Variants in CORIN observed in about 807,000 individuals in gnomAD.
CORIN encodes atrial natriuretic peptide-converting enzyme.
CORIN carries 117 observed loss-of-function variants against 125.3 expected under a neutral mutation model. The ratio of observed to expected loss-of-function variants is 0.93; its 90% CI spans 0.80 to 1.09. The LOEUF is 1.09. Among genes scored for constraint, CORIN ranks in the 50% least tolerant of loss-of-function variants. The pLI, the probability that CORIN is intolerant of heterozygous loss-of-function variation, is 0.00. For missense variants in CORIN, 1,253 were observed against 1,306.7 expected (o/e 0.96, Z 0.63); for synonymous variants, 450 against 466.4 (o/e 0.96, Z 0.45).
chr4:47,675,630 G>A (rs1350060236), intron 9 of CORIN, among the ~76,000 whole-genome samples: 1 of 152,138 alleles, frequency 6.6e-6, no homozygotes, highest in South Asian at 2.1e-4. Context: ...ACATAAAAGG[G>A]CATAATACCC....
At chr4:47,618,152 T>G (rs1162535703) in intron 19 of CORIN, among the ~76,000 whole-genome samples, 1 of 151,498 alleles carries the variant, frequency 6.6e-6, no homozygotes, top group Non-Finnish European at 1.5e-5. Flanking sequence ...CTGACCAACA[T>G]GGTGAAATCC....
At chr4:47,751,821 C>T (rs1490989265) in intron 4 of CORIN, among the ~76,000 whole-genome samples, 1 of 152,152 alleles carries the variant, frequency 6.6e-6, no homozygotes. Context: ...GTGCCTGGCA[C>T]ATTATAGGCA....
Position 47,744,451 on chromosome 4 carries a change from G to A in CORIN, c.750C>T (p.Ser250=). Residue 250 remains serine (S), a synonymous_variant, in exon 5 of 22, where the codon AGC becomes AGT. Transcript: ENST00000273857. ...CSQFRNQTES[S]NVSRICFSPQ... is the part of the protein sequence containing the mutation. ...GTGAGAAGCAAATTCTGCTGACATT[G>A]CTGCTTTCAGTTTGGTTTCTAAACT... The A allele has an allele frequency of 6.2e-7, 1 of 1,614,052 alleles. No homozygotes were observed. The highest frequency in any genetic ancestry group is 8.5e-7 in the Non-Finnish European group (1 of 1,179,992).
intron 1 of CORIN, among the ~76,000 whole-genome samples, chr4:47,817,020 C>A (rs1040607124): frequency 1.3e-5 from 2 of 152,124 alleles, no homozygotes; most frequent in African/African-American, 4.8e-5. Context: ...CAAGGCACAG[C>A]CCTAAGTAAG....
intron 12 of CORIN, among the ~76,000 whole-genome samples, chr4:47,656,045 C>G (rs1310375336): frequency 2.6e-5 from 4 of 151,906 alleles, no homozygotes; most frequent in African/African-American, 9.7e-5. Flanking sequence ...AAAAAGAAAA[C>G]TACACACCAA....
At chr4:47,744,370 T>C in intron 5 of CORIN, 32 bp downstream of exon 5, 1 of 1,593,120 alleles carries the variant, frequency 6.3e-7, no homozygotes, top group Admixed American at 1.7e-5. Context: ...AAATAAAATC[T>C]TCTAAAAATG....
intron 19 of CORIN, 107 bp downstream of exon 19, chr4:47,623,464 G>T: frequency 8.5e-7 from 1 of 1,178,582 alleles, no homozygotes; most frequent in Non-Finnish European, 1.2e-6. Context: ...GATTAGCTGT[G>T]GCTTTCGCCT....
intron 5 of CORIN, among the ~76,000 whole-genome samples, chr4:47,723,110 G>A (rs1727431074): frequency 6.6e-6 from 1 of 152,206 alleles, no homozygotes; most frequent in African/African-American, 2.4e-5. Flanking sequence ...GTCCCTTGGA[G>A]GGGGCCCTAG....
chr4:47,678,056 T>C lies in CORIN; in HGVS notation c.1133-2A>G. On this transcript the variant is annotated splice_acceptor_variant, in intron 8 of 21. Transcript: ENST00000273857. LOFTEE classifies it high-confidence loss of function. ...CCACCAGACCCTGGCTGTGACAGGCTAGGAAGGACCATAACAATATTCACT... is the reference window on the plus strand; with the variant it reads ...CCACCAGACCCTGGCTGTGACAGGCCAGGAAGGACCATAACAATATTCACT... 6.3e-7 allele frequency: 1 copy of C among 1,597,946 alleles called. No homozygotes were observed. Among genetic ancestry groups the C allele is most frequent in the Non-Finnish European group, 8.6e-7 (1 of 1,165,272 alleles).
chr4:47,831,908 A>G (rs1193369651), intron 1 of CORIN, among the ~76,000 whole-genome samples: 1 of 152,216 alleles, frequency 6.6e-6, no homozygotes, highest in Non-Finnish European at 1.5e-5. Context: ...ACACACCAGG[A>G]AGGCCATGGA....
intron 19 of CORIN, among the ~76,000 whole-genome samples, chr4:47,604,616 T>TA (rs1294143003): frequency 6.6e-6 from 1 of 152,198 alleles, no homozygotes; most frequent in Non-Finnish European, 1.5e-5. Context: ...CTCTTTTTCT[T>TA]ACACCCAACA....
chr4:47,737,059 G>A (rs1174297119), intron 5 of CORIN, among the ~76,000 whole-genome samples: 2 of 152,240 alleles, frequency 1.3e-5, no homozygotes, highest in African/African-American at 4.8e-5. Context: ...ACTGCTCTGA[G>A]CAGAAAATAA....
rs1376217717 is a variant in CORIN, at chr4:47,658,869, C to T, written c.1735+2842G>A. Among the ~76,000 whole-genome samples, 10 of 152,248 alleles carry T rather than the reference C, an allele frequency of 6.6e-5. No homozygotes were observed. In the East Asian group the frequency reaches 1.9e-3, roughly 29 times the overall value. ...GCTGCAAATTTTCCACACTTTTATG[C>T]TCTGCTTCCCTTTTAACTATAAGTT... On this transcript the variant is annotated intron_variant, in intron 12 of 21. Transcript: ENST00000273857.
intron 4 of CORIN, 119 bp downstream of exon 4, chr4:47,763,260 T>C (rs1280512498): frequency 2.8e-6 from 2 of 704,570 alleles, no homozygotes; most frequent in Non-Finnish European, 4.9e-6. Context: ...GAACTAGCCA[T>C]GACTAATGTG....
intron 4 of CORIN, among the ~76,000 whole-genome samples, chr4:47,746,307 A>C (rs2109840456): frequency 6.6e-6 from 1 of 152,268 alleles, no homozygotes; most frequent in South Asian, 2.1e-4. Context: ...CACATGCATC[A>C]CCTCACTGAT....
At chr4:47,833,882 T>C (rs1247395805) in intron 1 of CORIN, among the ~76,000 whole-genome samples, 1 of 152,158 alleles carries the variant, frequency 6.6e-6, no homozygotes, top group Non-Finnish European at 1.5e-5. Context: ...ACTGTTAATG[T>C]GATCAAAAAA....
chr4:47,664,972 T>C lies in CORIN; in HGVS notation c.1589+60A>G. ...TACGTTGTCCAAACTCAACTAAGTC[T>C]TCACCCCTTGGTTCTCTCTGAGGCA... On this transcript the variant is annotated intron_variant, in intron 11 of 21. Transcript: ENST00000273857. 13 of 1,146,436 alleles carry C rather than the reference T, an allele frequency of 1.1e-5. No individual in the cohort carries two copies. The Middle Eastern group carries it at 6.0e-4, about 53-fold the overall frequency. The allele number at this position is 1,146,436 out of a possible 1,614,324, so 71.0% of individuals were successfully genotyped here.
intron 4 of CORIN, among the ~76,000 whole-genome samples, chr4:47,753,086 G>A (rs1316126592): frequency 6.6e-6 from 1 of 152,132 alleles, no homozygotes; most frequent in Non-Finnish European, 1.5e-5. Context: ...AATAAAGAGA[G>A]TACAAAGAGA....
At chr4:47,681,671 A>C (rs1725286313) in intron 7 of CORIN, 1 of 152,336 alleles carries the variant, frequency 6.6e-6, no homozygotes, top group African/African-American at 2.4e-5. Context: ...AAGACTAGTC[A>C]GTCCCAGGAT....
Sources: gnomAD v4.1 joint callset for allele counts (sites outside exome capture counted in the v4.1 genomes callset) on GRCh38, gnomAD v4.1.1 for gene constraint, MANE v1.5 for transcripts, NCBI Gene and HGNC (gene_info 2026-07-23, HGNC 2026-07-21) for gene names.